The following TUSC3 variants were observed in gnomAD, a reference collection of about 807,000 sequenced individuals.
TUSC3 encodes tumor suppressor candidate 3, also known as dolichyl-diphosphooligosaccharide--protein glycosyltransferase subunit TUSC3.
TUSC3 carries 45 observed loss-of-function variants against 44.8 expected under a neutral mutation model. The observed-to-expected ratio is 1.00, with a 90% CI of 0.79 to 1.29. The LOEUF (loss-of-function observed/expected upper bound fraction) is 1.29, where lower values mean the gene tolerates loss of function less well. Among genes scored for constraint, TUSC3 ranks in the 50% most tolerant of loss-of-function variants. The probability of loss-of-function intolerance (pLI) is 0.00; values close to 1 mark genes in which losing one functional copy is unlikely to be tolerated. For synonymous variants in TUSC3, 212 were observed against 152.9 expected, an observed-to-expected ratio of 1.39 and a Z score of -2.85; for missense variants, 519 against 437.9, an observed-to-expected ratio of 1.19 and a Z score of -1.65.
In TUSC3 at chr8:15,470,437, A is replaced by T. The variant is rs148550020; in HGVS notation, n.92-12949A>T. ...GGGTTAGTAATGTAACCCTAATATA[A>T]ATTATGGGCTTTGGTTGATAATGAC... On this transcript the variant is annotated intron_variant and non_coding_transcript_variant, in intron 1 of 5. Coordinates refer to the TUSC3 transcript ENST00000503191. Among the ~76,000 whole-genome samples the T allele has an allele frequency of 5.9e-3, 893 of 152,172 alleles. 31 individuals carry two copies. Among genetic ancestry groups the T allele is most frequent in the Admixed American group, 0.047 (716 of 15,256 alleles).
chr8:15,801,689 A>G, the TUSC3 span, among the ~76,000 whole-genome samples: 7,616 of 152,192 alleles, frequency 0.05, 224 homozygotes, highest in African/African-American at 0.073. Context: ...TGAGAGCTGT[A>G]TGGGGCTGGG....
intron 1 of TUSC3, among the ~76,000 whole-genome samples, chr8:15,610,031 T>C (rs780349271): frequency 1.1e-4 from 16 of 152,150 alleles, no homozygotes; most frequent in Non-Finnish European, 2.2e-4. Context: ...TTTATTTTTG[T>C]TGCTGTTGAT....
chr8:15,705,491 C>T (rs1585250167), intron 6 of TUSC3, among the ~76,000 whole-genome samples: 1 of 151,946 alleles, frequency 6.6e-6, no homozygotes, highest in Non-Finnish European at 1.5e-5. Flanking sequence ...TATATAAACT[C>T]TGAATAAAAT....
chr8:15,798,298 A>G, the TUSC3 span, among the ~76,000 whole-genome samples: 4 of 152,202 alleles, frequency 2.6e-5, no homozygotes, highest in African/African-American at 9.6e-5. Flanking sequence ...CTGAATCTAG[A>G]CCCATTTTCT....
At chr8:15,421,990 G>A (rs549387671) in intron 1 of TUSC3, among the ~76,000 whole-genome samples, 43 of 152,216 alleles carry the variant, frequency 2.8e-4, no homozygotes, top group African/African-American at 1.0e-3. Flanking sequence ...GCATCATAAT[G>A]TACTAATTAT....
chr8:15,584,487 T>G (rs890437057), intron 1 of TUSC3, among the ~76,000 whole-genome samples: 9 of 152,300 alleles, frequency 5.9e-5, no homozygotes, highest in Admixed American at 5.2e-4. Context: ...TACATCCTTT[T>G]CAGAGACTCT....
intron 2 of TUSC3, among the ~76,000 whole-genome samples, chr8:15,529,132 T>C (rs1400153190): frequency 6.6e-6 from 1 of 152,226 alleles, no homozygotes; most frequent in Non-Finnish European, 1.5e-5. Flanking sequence ...GCTGTTTTTT[T>C]CTTTAAATAT....
At chr8:15,516,586 T>C (rs1801218734) in intron 2 of TUSC3, among the ~76,000 whole-genome samples, 1 of 152,180 alleles carries the variant, frequency 6.6e-6, no homozygotes, top group African/African-American at 2.4e-5. Flanking sequence ...ACTGAAAGCA[T>C]TTGGCCCCTC....
chr8:15,536,386 A>G (rs543253922), upstream of TUSC3, among the ~76,000 whole-genome samples: 2 of 152,060 alleles, frequency 1.3e-5, no homozygotes, highest in African/African-American at 4.8e-5. Flanking sequence ...TTTACCAAGA[A>G]AAGAATGCAA....
intron 2 of TUSC3, among the ~76,000 whole-genome samples, chr8:15,528,728 T>A (rs1205072511): frequency 1.3e-5 from 2 of 152,204 alleles, no homozygotes; most frequent in Admixed American, 1.3e-4. Flanking sequence ...TTCTTTAATT[T>A]TTTTTAAATT....
At position 15,609,867 on chromosome 8, in the gene TUSC3, A is replaced by G. The variant is rs146594065; in HGVS notation, c.139-13213A>G. Reference sequence around the variant, plus strand: ...CTTTATGACCTATCTTTATCAATAAACATACACTTTTGTGATACTAATATA... The same window carrying G: ...CTTTATGACCTATCTTTATCAATAAGCATACACTTTTGTGATACTAATATA... On this transcript the variant is annotated intron_variant, in intron 1 of 10. Transcript: ENST00000503731. Among the ~76,000 whole-genome samples the G allele has an allele frequency of 9.2e-4, 140 of 152,226 alleles. 2 individuals are homozygous for G. The highest frequency in any genetic ancestry group is 3.3e-3 in the African/African-American group (136 of 41,560).
chr8:15,544,703 T>C (rs1563281836), intron 1 of TUSC3, among the ~76,000 whole-genome samples: 1 of 151,808 alleles, frequency 6.6e-6, no homozygotes, highest in African/African-American at 2.4e-5. Context: ...AAGCAATGGA[T>C]GTTACCTTTA....
chr8:15,843,854 G>C, the TUSC3 span, among the ~76,000 whole-genome samples: 1 of 151,944 alleles, frequency 6.6e-6, no homozygotes, highest in African/African-American at 2.4e-5. Flanking sequence ...GATCTGTCCT[G>C]AACTGTTAAT....
At chr8:15,847,671 A>G in the TUSC3 span, among the ~76,000 whole-genome samples, 19 of 152,300 alleles carry the variant, frequency 1.2e-4, no homozygotes, top group East Asian at 1.2e-3. Flanking sequence ...GATCTTCACA[A>G]TATTTTTTAA....
intron 2 of TUSC3, among the ~76,000 whole-genome samples, chr8:15,640,100 C>G (rs1309847152): frequency 2.0e-5 from 3 of 152,094 alleles, no homozygotes; most frequent in African/African-American, 7.2e-5. Context: ...TTCACTGTCC[C>G]TGAACTGTTT....
At chr8:15,824,673 G>A in the TUSC3 span, among the ~76,000 whole-genome samples, 682 of 152,218 alleles carry the variant, frequency 4.5e-3, 3 homozygotes, top group Non-Finnish European at 7.6e-3. Context: ...ACGAGTTAAT[G>A]GGTGCAGCAC....
chr8:15,684,900 G>A (rs906751424), intron 6 of TUSC3, among the ~76,000 whole-genome samples: 1 of 152,162 alleles, frequency 6.6e-6, no homozygotes, highest in Non-Finnish European at 1.5e-5. Context: ...AGGCTGTGCT[G>A]TGGGCACACT....
At position 15,551,898 on chromosome 8, in the gene TUSC3, T is replaced by C. The variant is rs1802074117; in HGVS notation, c.138+11330T>C. 1.3e-5 allele frequency among the ~76,000 whole-genome samples: 2 copies of C among 151,876 alleles called. 1 individual carries two copies. The highest frequency in any genetic ancestry group is 4.2e-4 in the South Asian group (2 of 4,790). On this transcript the variant is annotated intron_variant, in intron 1 of 10. Coordinates refer to ENST00000503731, the MANE Select transcript of TUSC3 (RefSeq NM_006765.4). ...TTGTATACATAGTTCATAATCTTTG[T>C]TTTTGGATTTTCACAGGGTTCCATC...
At chr8:15,468,104 T>C (rs569970279) in intron 1 of TUSC3, among the ~76,000 whole-genome samples, 5 of 152,166 alleles carry the variant, frequency 3.3e-5, no homozygotes, top group African/African-American at 4.8e-5. Context: ...TTCTGCTAAA[T>C]GTATTCTTGA....
Sources: allele counts gnomAD v4.1 joint callset (sites outside exome capture counted in the v4.1 genomes callset), GRCh38; gene constraint gnomAD v4.1.1; transcripts MANE v1.5; gene names NCBI Gene and HGNC (gene_info 2026-07-23, HGNC 2026-07-21).